Variants in TMEM50A observed in about 807,000 individuals in gnomAD.
TMEM50A encodes the protein cervical cancer oncogene 9.
In TMEM50A, 8 loss-of-function variants were observed where a neutral mutation model predicts 23.9. That is an observed-to-expected ratio of 0.33 (90% CI 0.20 to 0.60). The LOEUF is 0.60. Among genes scored for constraint, TMEM50A ranks in the 20% least tolerant of loss-of-function variants. TMEM50A has a pLI of 0.81. For synonymous variants in TMEM50A, 55 were observed against 60.4 expected (o/e 0.91, Z 0.41); for missense variants, 178 against 192.7 (o/e 0.92, Z 0.45).
chr1:25,354,584 C>A (rs998299211), intron 5 of TMEM50A, among the ~76,000 whole-genome samples: 5 of 151,726 alleles, frequency 3.3e-5, no homozygotes, highest in Non-Finnish European at 5.9e-5. Flanking sequence ...TGTACTCCAG[C>A]CTGGGTGACA....
rs1385327861 is a variant in TMEM50A, at chr1:25,343,011, C to A, written c.144C>A (p.Thr48=). 13 of 1,613,702 alleles carry A rather than the reference C, an allele frequency of 8.1e-6. No homozygotes were observed. Among genetic ancestry groups the A allele is most frequent in the Non-Finnish European group, 1.1e-5 (13 of 1,179,868 alleles). Residue 48 remains threonine, a synonymous_variant, in exon 3 of 7, where the codon ACC becomes ACA. Transcript: ENST00000374358. Reference sequence around the variant, plus strand: ...TAGATGCAGCTGTTATTTATCCCACCATGAAAGATTTCAACCACTCATACC... The same window carrying A: ...TAGATGCAGCTGTTATTTATCCCACAATGAAAGATTTCAACCACTCATACC... ...IIIDAAVIYP[T]MKDFNHSYHA...
chr1:25,341,981 G>A (rs1043833410), intron 2 of TMEM50A, among the ~76,000 whole-genome samples: 3 of 152,096 alleles, frequency 2.0e-5, no homozygotes, highest in African/African-American at 7.2e-5. Flanking sequence ...AAGGTCCTGA[G>A]ATTACAGGCT....
chr1:25,357,563 TGTG>T lies in TMEM50A; in HGVS notation c.428+711_428+713del, dbSNP rs1314717879. 1.1e-4 allele frequency among the ~76,000 whole-genome samples: 9 copies of T among 83,632 alleles called. No homozygotes were observed. The South Asian group carries it at 1.3e-3, about 12-fold the overall frequency. The allele number at this position is 83,632 out of a possible 152,430, so 54.9% of individuals were successfully genotyped here. A position where few individuals can be genotyped will look rare whatever the true frequency, so the allele number is the denominator to read the frequency against. On this transcript the variant is annotated intron_variant, in intron 6 of 6. Transcript: ENST00000374358. ...TGTGTGTGTGTGTGTGTGTGTGTGT[TGTG>T]TGTGTGTGTGTTGTTTTGAGACAGA... is the stretch of plus-strand genomic sequence containing the variant.
chr1:25,357,925 C>T (rs1032031738), intron 6 of TMEM50A, among the ~76,000 whole-genome samples: 2 of 150,442 alleles, frequency 1.3e-5, no homozygotes, highest in African/African-American at 4.9e-5. Flanking sequence ...GCATGAGCCA[C>T]CACACCCAGC....
intron 2 of TMEM50A, 106 bp downstream of exon 2, chr1:25,340,685 A>T: frequency 2.8e-6 from 2 of 718,284 alleles, no homozygotes; most frequent in Non-Finnish European, 4.4e-6. Context: ...TTTATCTTTG[A>T]CCACTTTGAC....
intron 3 of TMEM50A, among the ~76,000 whole-genome samples, chr1:25,343,839 C>T (rs144143252): frequency 2.6e-5 from 4 of 152,190 alleles, no homozygotes; most frequent in East Asian, 1.9e-4. Flanking sequence ...AAAGGCTTTA[C>T]GGCAAGGAGA....
In TMEM50A at chr1:25,360,836, A is replaced by G; in HGVS notation, c.*131A>G. On this transcript the variant is annotated 3_prime_UTR_variant, in exon 7 of 7. Coordinates refer to ENST00000374358, the MANE Select transcript of TMEM50A (RefSeq NM_014313.4). Reference sequence around the variant, plus strand: ...TGTAGTCTCAGCTTAAAGTTGTGTAATACTAAAATCACGAGAACACCTAAA... The same window carrying G: ...TGTAGTCTCAGCTTAAAGTTGTGTAGTACTAAAATCACGAGAACACCTAAA... The G allele has an allele frequency of 2.1e-6, 2 of 941,974 alleles. No homozygotes were observed. Among genetic ancestry groups the G allele is most frequent in the Non-Finnish European group, 3.2e-6 (2 of 627,252 alleles). 58.4% of individuals were successfully genotyped at this position (941,974 alleles called of 1,614,324 possible).
intron 2 of TMEM50A, among the ~76,000 whole-genome samples, chr1:25,341,322 A>G (rs960733647): frequency 3.5e-4 from 53 of 152,076 alleles, no homozygotes; most frequent in African/African-American, 1.2e-3. Context: ...CAGTGGCGCA[A>G]TCTCAGCTCA....
intron 2 of TMEM50A, 64 bp from the exon 3 acceptor site, chr1:25,342,897 C>A: frequency 1.5e-6 from 2 of 1,357,248 alleles, no homozygotes; most frequent in Non-Finnish European, 2.1e-6. Context: ...ACTTAAATAC[C>A]TTGCTTTTAG....
chr1:25,347,497 C>CA (rs3093603), intron 3 of TMEM50A, among the ~76,000 whole-genome samples: 2,804 of 152,296 alleles, frequency 0.018, 89 homozygotes, highest in African/African-American at 0.064. Flanking sequence ...CTTGGCCTCC[C>CA]AAAGTGCTGG....
chr1:25,357,964 T>C (rs1284191283), intron 6 of TMEM50A, among the ~76,000 whole-genome samples: 1 of 148,752 alleles, frequency 6.7e-6, no homozygotes, highest in Non-Finnish European at 1.5e-5. Flanking sequence ...TTTTTTTTTT[T>C]TTAGAGGGAG....
chr1:25,348,335 G>T (rs560190139), intron 3 of TMEM50A, among the ~76,000 whole-genome samples: 1 of 152,228 alleles, frequency 6.6e-6, no homozygotes, highest in Non-Finnish European at 1.5e-5. Context: ...CTCTGATTTT[G>T]TGGCTTTAAA....
rs1482950182 is a variant in TMEM50A at position 25,361,053 on chromosome 1, T to C, written c.*348T>C. The C allele has an allele frequency of 4.9e-6, 1 of 203,872 alleles. No homozygotes were observed. The highest frequency in any genetic ancestry group is 1.0e-5 in the Non-Finnish European group (1 of 99,666). 12.6% of individuals were successfully genotyped at this position (203,872 alleles called of 1,614,324 possible). On this transcript the variant is annotated 3_prime_UTR_variant, in exon 7 of 7. Transcript: ENST00000374358. ...CTGAGGTCCAAAACCACAATGAAAG[T>C]GCTCTGAAGATTTAATGTGTTTATT...
chr1:25,340,038 G>A (rs1326795442), intron 1 of TMEM50A, among the ~76,000 whole-genome samples: 2 of 152,126 alleles, frequency 1.3e-5, no homozygotes, highest in Non-Finnish European at 2.9e-5. Context: ...CCAGGTTCAA[G>A]CGATTCTCCT....
intron 3 of TMEM50A, among the ~76,000 whole-genome samples, chr1:25,345,296 A>G (rs1054619595): frequency 3.3e-5 from 5 of 151,928 alleles, no homozygotes; most frequent in African/African-American, 1.2e-4. Context: ...AATAATTTAA[A>G]AAGGCTGGGC....
At chr1:25,343,791 AAG>A (rs1284801710) in intron 3 of TMEM50A, among the ~76,000 whole-genome samples, 9 of 152,166 alleles carry the variant, frequency 5.9e-5, no homozygotes, top group African/African-American at 2.2e-4. Flanking sequence ...GGGGATATAT[AAG>A]AGAGGTTCAT....
At chr1:25,345,395 A>G (rs1645203851) in intron 3 of TMEM50A, among the ~76,000 whole-genome samples, 1 of 152,206 alleles carries the variant, frequency 6.6e-6, no homozygotes, top group African/African-American at 2.4e-5. Context: ...CCTGGCTAAC[A>G]CAGTGAAACC....
At chr1:25,346,721 A>G (rs972927842) in intron 3 of TMEM50A, among the ~76,000 whole-genome samples, 3 of 152,010 alleles carry the variant, frequency 2.0e-5, no homozygotes, top group African/African-American at 7.2e-5. Context: ...TAAAAATGTA[A>G]TATAAAATGC....
intron 3 of TMEM50A, among the ~76,000 whole-genome samples, chr1:25,351,057 G>A (rs1162843297): frequency 2.0e-5 from 3 of 151,812 alleles, no homozygotes; most frequent in African/African-American, 4.8e-5. Flanking sequence ...CCAACTACTC[G>A]GGAGGCTGAG....
Sources: allele counts gnomAD v4.1 joint callset (sites outside exome capture counted in the v4.1 genomes callset), GRCh38; gene constraint gnomAD v4.1.1; transcripts MANE v1.5; gene names NCBI Gene and HGNC (gene_info 2026-07-23, HGNC 2026-07-21).